Variants in ATF2 observed in about 807,000 individuals in gnomAD.
ATF2 encodes activating transcription factor 2, also known as cyclic AMP-dependent transcription factor ATF-2.
In ATF2, 24 loss-of-function variants were observed where a neutral mutation model predicts 60.6. The ratio of observed to expected loss-of-function variants is 0.40; its 90% CI spans 0.29 to 0.56. The LOEUF is 0.56. ATF2 is among the 20% of genes least tolerant of loss of function. The pLI is 0.54. For missense variants in ATF2, 433 were observed against 607.7 expected (o/e 0.71, Z 3.02); for synonymous variants, 206 against 215.4 (o/e 0.96, Z 0.38).
chr2:175,111,769 C>A, intron 9 of ATF2, 115 bp from the exon 10 acceptor site: 1 of 866,784 alleles, frequency 1.2e-6, no homozygotes, highest in South Asian at 1.9e-5. Context: ...GTAAATTTAT[C>A]ACCAGCTGAT....
intron 2 of ATF2, among the ~76,000 whole-genome samples, chr2:175,137,939 T>C (rs7590545): frequency 0.04 from 6,129 of 152,254 alleles, 401 homozygotes; most frequent in African/African-American, 0.14. Flanking sequence ...TCTTTGTTAA[T>C]CTAACTGAAT....
chr2:175,153,835 GA>G (rs71031093), intron 1 of ATF2, among the ~76,000 whole-genome samples: 44 of 128,984 alleles, frequency 3.4e-4, no homozygotes, highest in Admixed American at 7.4e-4. Context: ...CTGCCTCAAA[GA>G]AAAAAAAAAA....
intron 3 of ATF2, 143 bp from the exon 4 acceptor site, chr2:175,130,350 A>G: frequency 2.0e-6 from 1 of 502,748 alleles, no homozygotes; most frequent in Non-Finnish European, 3.3e-6. Context: ...TTTTAATTCT[A>G]TCTTTCTTAT....
At chr2:175,153,242 T>A (rs1699429846) in intron 1 of ATF2, among the ~76,000 whole-genome samples, 1 of 152,198 alleles carries the variant, frequency 6.6e-6, no homozygotes. Flanking sequence ...GGCACAGATG[T>A]AAGGAGCCTC....
Position 175,074,826 on chromosome 2 carries a change from T to G in ATF2, c.1301A>C (p.Lys434Thr), listed in dbSNP as rs1195826928. The G allele has an allele frequency of 6.2e-7, 1 of 1,613,448 alleles. No homozygotes were observed. The highest frequency in any genetic ancestry group is 8.5e-7 in the Non-Finnish European group (1 of 1,179,612). Residue 434 changes from lysine to threonine, a missense_variant, in exon 14 of 14, where the codon AAA becomes ACA. By Grantham distance (78) the Lys-to-Thr change is moderately conservative. Coordinates refer to ENST00000264110, the MANE Select transcript of ATF2 (RefSeq NM_001880.4). ...TGAAATGTCTTCTGAACTATCATCTTTATCAGCAGCTGGGTGGAAAAAAGA... is the reference window on the plus strand; with the variant it reads ...TGAAATGTCTTCTGAACTATCATCTGTATCAGCAGCTGGGTGGAAAAAAGA... ...QKKSGYHTAD[K>T]DDSSEDISVP...
At chr2:175,114,624 A>C (rs994008458) in intron 8 of ATF2, 66 bp downstream of exon 8, 1 of 1,556,922 alleles carries the variant, frequency 6.4e-7, no homozygotes, top group East Asian at 2.3e-5. Flanking sequence ...CAAATGTCTT[A>C]GGAAAAATCA....
intron 4 of ATF2, among the ~76,000 whole-genome samples, chr2:175,125,356 T>TA (rs1225113790): frequency 2.0e-5 from 3 of 152,098 alleles, no homozygotes; most frequent in African/African-American, 7.2e-5. Flanking sequence ...AGCCAGGTTA[T>TA]ATTTTGATCA....
chr2:175,153,052 T>C (rs1699417848), intron 1 of ATF2, among the ~76,000 whole-genome samples: 1 of 152,200 alleles, frequency 6.6e-6, no homozygotes, highest in African/African-American at 2.4e-5. Flanking sequence ...GTTTTTTCCA[T>C]TAAATACAAT....
In ATF2 at chr2:175,117,905, C is replaced by A. The variant is rs1421046714; in HGVS notation, c.447+85G>T. ...TTGCAAGCTGACACTGAATTTAATACATTAACATTTTATGGAGATTAAATA... is the reference window on the plus strand; with the variant it reads ...TTGCAAGCTGACACTGAATTTAATAAATTAACATTTTATGGAGATTAAATA... On this transcript the variant is annotated intron_variant, in intron 7 of 13. Transcript: ENST00000264110. 20 of 1,382,834 alleles carry A rather than the reference C, an allele frequency of 1.4e-5. No individual in the cohort carries two copies. The South Asian group carries it at 3.2e-4, about 22-fold the overall frequency. 85.7% of individuals were successfully genotyped at this position (1,382,834 alleles called of 1,614,324 possible). A position where few individuals can be genotyped will look rare whatever the true frequency, so the allele number is the denominator to read the frequency against.
At chr2:175,165,570 G>A (rs754638413) in intron 1 of ATF2, among the ~76,000 whole-genome samples, 2 of 152,206 alleles carry the variant, frequency 1.3e-5, no homozygotes, top group Non-Finnish European at 2.9e-5. Context: ...GATGTTTGAT[G>A]TATGGCATAT....
intron 13 of ATF2, among the ~76,000 whole-genome samples, chr2:175,079,283 T>C (rs1693593800): frequency 6.6e-6 from 1 of 152,212 alleles, no homozygotes; most frequent in South Asian, 2.1e-4. Context: ...GAACAGTTAA[T>C]TTCCTTTTAA....
intron 1 of ATF2, among the ~76,000 whole-genome samples, chr2:175,166,156 CA>C (rs561372217): frequency 6.6e-6 from 1 of 151,800 alleles, no homozygotes; most frequent in African/African-American, 2.4e-5. Context: ...ACTACACATA[CA>C]AAAAAAAGTC....
At chr2:175,132,573 C>T (rs940653962) in intron 3 of ATF2, 1 of 152,128 alleles carries the variant, frequency 6.6e-6, no homozygotes, top group Non-Finnish European at 1.5e-5. Flanking sequence ...AAGAAATAAC[C>T]TTGCCAGGTA....
chr2:175,162,477 T>C (rs944529876), intron 1 of ATF2, among the ~76,000 whole-genome samples: 1 of 152,242 alleles, frequency 6.6e-6, no homozygotes, highest in Non-Finnish European at 1.5e-5. Flanking sequence ...TTTATATCCT[T>C]TGACTAGTAA....
intron 13 of ATF2, among the ~76,000 whole-genome samples, chr2:175,078,208 C>T (rs932767161): frequency 3.9e-5 from 6 of 152,132 alleles, no homozygotes; most frequent in Non-Finnish European, 7.4e-5. Context: ...TGGGTTCAAA[C>T]AATCTTCCCG....
chr2:175,073,619 C>T lies in ATF2; in HGVS notation c.*990G>A, dbSNP rs191180251. The T allele has an allele frequency of 6.6e-6, 1 of 152,046 alleles. No individual in the cohort carries two copies. The highest frequency in any genetic ancestry group is 1.5e-5 in the Non-Finnish European group (1 of 67,964). The allele number at this position is 152,046 out of a possible 1,614,324, so 9.4% of individuals were successfully genotyped here. ...CTACTAAAAGATGACAGTGCTTTCA[C>T]AAGAATAGTACAAGTTAGCTCGCAA... On this transcript the variant is annotated 3_prime_UTR_variant, in exon 14 of 14. Coordinates refer to ENST00000264110, the MANE Select transcript of ATF2 (RefSeq NM_001880.4).
chr2:175,098,334 A>T lies in ATF2; in HGVS notation c.829-741T>A, dbSNP rs13403760. 1.7e-3 allele frequency among the ~76,000 whole-genome samples: 259 copies of T among 152,354 alleles called. 2 individuals carry two copies. Among genetic ancestry groups the T allele is most frequent in the African/African-American group, 5.5e-3 (230 of 41,586 alleles). On this transcript the variant is annotated intron_variant, in intron 10 of 13. Coordinates refer to ENST00000264110, the MANE Select transcript of ATF2 (RefSeq NM_001880.4). ...ACAGATAATCAGACCACAGTATCTC[A>T]GCAATGAAAGGGACTTCAGGGATCC...
At chr2:175,161,723 A>G (rs190535667) in intron 1 of ATF2, among the ~76,000 whole-genome samples, 43 of 152,158 alleles carry the variant, frequency 2.8e-4, no homozygotes, top group Admixed American at 2.6e-3. Context: ...TGACACATTC[A>G]TAAGACAGAA....
intron 10 of ATF2, among the ~76,000 whole-genome samples, chr2:175,108,546 G>A (rs1171675798): frequency 1.3e-5 from 2 of 151,190 alleles, no homozygotes; most frequent in Non-Finnish European, 1.5e-5. Flanking sequence ...CGCCCCATCC[G>A]GGAGGGAGGT....
Sources: gnomAD v4.1 joint callset for allele counts (sites outside exome capture counted in the v4.1 genomes callset) on GRCh38, gnomAD v4.1.1 for gene constraint, MANE v1.5 for transcripts, NCBI Gene and HGNC (gene_info 2026-07-23, HGNC 2026-07-21) for gene names.